Variants in ANKRD10 observed in about 807,000 individuals in gnomAD.
ANKRD10 encodes ankyrin repeat domain 10.
A neutral mutation model predicts 27.0 loss-of-function variants in ANKRD10; 14 were observed. The observed-to-expected ratio is 0.52, with a 90% CI of 0.34 to 0.81. The LOEUF is 0.81. Among genes scored for constraint, ANKRD10 ranks in the 40% least tolerant of loss-of-function variants. ANKRD10 has a pLI of 0.01. For synonymous variants in ANKRD10, 250 were observed against 224.5 expected (o/e 1.11, Z -1.01); for missense variants, 493 against 544.0 (o/e 0.91, Z 0.93).
At chr13:110,912,156 G>C (rs1214217272) in intron 1 of ANKRD10, among the ~76,000 whole-genome samples, 1 of 152,190 alleles carries the variant, frequency 6.6e-6, no homozygotes, top group Non-Finnish European at 1.5e-5. Flanking sequence ...TCTGATCCTG[G>C]ACTGCTCATT....
rs963356215 is a variant in ANKRD10, at chr13:110,914,974, G to T, written c.-40C>A. Reference sequence around the variant, plus strand: ...GAGCGCGGGGCTCGCTGGCCTAGAGGACGCGTCGGGGAGGACTCGAGAAGC... The same window carrying T: ...GAGCGCGGGGCTCGCTGGCCTAGAGTACGCGTCGGGGAGGACTCGAGAAGC... On this transcript the variant is annotated 5_prime_UTR_variant, in exon 1 of 6. Transcript: ENST00000267339. 4.0e-6 allele frequency: 6 copies of T among 1,514,828 alleles called. No individual in the cohort carries two copies. Among genetic ancestry groups the T allele is most frequent in the Non-Finnish European group, 5.3e-6 (6 of 1,136,472 alleles). The allele number at this position is 1,514,828 out of a possible 1,614,324, so 93.8% of individuals were successfully genotyped here. A position where few individuals can be genotyped will look rare whatever the true frequency, so the allele number is the denominator to read the frequency against.
At chr13:110,882,194 T>C (rs959479438) in intron 5 of ANKRD10, among the ~76,000 whole-genome samples, 8 of 152,304 alleles carry the variant, frequency 5.3e-5, no homozygotes, top group African/African-American at 1.7e-4. Flanking sequence ...AATGCAAAGA[T>C]AGCTGTACAC....
intron 2 of ANKRD10, among the ~76,000 whole-genome samples, chr13:110,906,577 C>A (rs560227072): frequency 6.6e-6 from 1 of 152,288 alleles, no homozygotes; most frequent in African/African-American, 2.4e-5. Context: ...CCAATGCTAA[C>A]CCGAGTCAAC....
At chr13:110,889,330 C>T (rs561710522) in intron 4 of ANKRD10, among the ~76,000 whole-genome samples, 1 of 132,340 alleles carries the variant, frequency 7.6e-6, no homozygotes, top group African/African-American at 2.6e-5. Flanking sequence ...CAAAATCCCA[C>T]ACTGAGGAAA....
chr13:110,885,720 C>T (rs918218627), intron 4 of ANKRD10, among the ~76,000 whole-genome samples: 1 of 151,776 alleles, frequency 6.6e-6, no homozygotes, highest in Admixed American at 6.6e-5. Context: ...CTCCCACAGG[C>T]TGCAATCCTG....
intron 2 of ANKRD10, among the ~76,000 whole-genome samples, chr13:110,906,482 C>A (rs2065540398): frequency 1.3e-5 from 2 of 152,132 alleles, no homozygotes. Context: ...ACCACACACA[C>A]ACATTAAAAC....
At chr13:110,883,584 C>A in intron 5 of ANKRD10, 114 bp downstream of exon 5, 2 of 1,482,678 alleles carry the variant, frequency 1.3e-6, no homozygotes, top group Admixed American at 4.3e-5. Flanking sequence ...GTCTGCATTG[C>A]TGACACAGTA....
chr13:110,901,983 CA>C (rs2138865086), intron 3 of ANKRD10, among the ~76,000 whole-genome samples: 1 of 142,190 alleles, frequency 7.0e-6, no homozygotes, highest in African/African-American at 2.6e-5. Flanking sequence ...TTTGAAGTTG[CA>C]GTGAACTATA....
intron 1 of ANKRD10, among the ~76,000 whole-genome samples, chr13:110,912,763 C>A (rs1350122434): frequency 6.6e-6 from 1 of 152,208 alleles, no homozygotes; most frequent in Non-Finnish European, 1.5e-5. Flanking sequence ...AAGAGGGCAG[C>A]CGTTAGCAGG....
chr13:110,886,672 T>C (rs1005437443), intron 4 of ANKRD10, among the ~76,000 whole-genome samples: 1 of 152,334 alleles, frequency 6.6e-6, no homozygotes, highest in Middle Eastern at 3.4e-3. Flanking sequence ...CCTGTGGCAT[T>C]TTCCCCCACA....
rs540092656 is a variant in ANKRD10 at position 110,894,988 on chromosome 13, T to G, written c.456-1725A>C. On this transcript the variant is annotated intron_variant, in intron 3 of 5. Transcript: ENST00000267339. ...TTTTTTTTAATGGTATATTTCACTT[T>G]CAAAAGATATCAGAAGTGCAGATGA... 13 of 152,292 alleles carry G rather than the reference T, an allele frequency of 8.5e-5. No homozygotes were observed. In the South Asian group the frequency reaches 2.7e-3, roughly 32 times the overall value. The allele number at this position is 152,292 out of a possible 1,614,324, so 9.4% of individuals were successfully genotyped here.
At chr13:110,897,465 G>A (rs1217033040) in intron 3 of ANKRD10, among the ~76,000 whole-genome samples, 4 of 151,742 alleles carry the variant, frequency 2.6e-5, no homozygotes, top group South Asian at 4.2e-4. Context: ...AGTACATGGA[G>A]TATTTATCTT....
chr13:110,913,577 GA>G (rs1387296657), intron 1 of ANKRD10, among the ~76,000 whole-genome samples: 1 of 152,132 alleles, frequency 6.6e-6, no homozygotes, highest in Non-Finnish European at 1.5e-5. Flanking sequence ...AAAAGAATCA[GA>G]AACTGCTTTC....
chr13:110,882,015 C>A (rs1382275638), intron 5 of ANKRD10, among the ~76,000 whole-genome samples: 1 of 152,084 alleles, frequency 6.6e-6, no homozygotes, highest in Non-Finnish European at 1.5e-5. Flanking sequence ...TCGGATCCCA[C>A]GAACATCCAA....
At chr13:110,889,771 G>A (rs1226435643) in intron 4 of ANKRD10, among the ~76,000 whole-genome samples, 2 of 152,162 alleles carry the variant, frequency 1.3e-5, no homozygotes, top group Admixed American at 1.3e-4. Flanking sequence ...GACTTAGCCA[G>A]AAAACTTTCT....
chr13:110,880,307 G>C (rs1427598201), intron 5 of ANKRD10, among the ~76,000 whole-genome samples, 195 bp from the exon 6 acceptor site: 1 of 152,132 alleles, frequency 6.6e-6, no homozygotes, highest in Non-Finnish European at 1.5e-5. Flanking sequence ...GTATTTGCCT[G>C]GTAAGATAGG....
intron 4 of ANKRD10, among the ~76,000 whole-genome samples, chr13:110,891,460 C>A (rs375120965): frequency 6.6e-6 from 1 of 152,108 alleles, no homozygotes; most frequent in East Asian, 1.9e-4. Context: ...TCATAAAAAT[C>A]TTGAATTTGA....
At chr13:110,885,844 G>A (rs536752996) in intron 4 of ANKRD10, among the ~76,000 whole-genome samples, 6 of 152,284 alleles carry the variant, frequency 3.9e-5, no homozygotes, top group African/African-American at 1.2e-4. Context: ...AATGTTCCCC[G>A]GATAAAGTGG....
intron 4 of ANKRD10, among the ~76,000 whole-genome samples, chr13:110,890,520 C>A (rs559665613): frequency 1.4e-4 from 21 of 152,278 alleles, no homozygotes; most frequent in Non-Finnish European, 2.9e-4. Flanking sequence ...AAGACAGAAC[C>A]ATCAGAAGTT....
Sources: gnomAD v4.1 joint callset for allele counts (sites outside exome capture counted in the v4.1 genomes callset) on GRCh38, gnomAD v4.1.1 for gene constraint, MANE v1.5 for transcripts, NCBI Gene and HGNC (gene_info 2026-07-23, HGNC 2026-07-21) for gene names.